Variants in KATNIP observed in about 807,000 individuals in gnomAD.
KATNIP encodes katanin-interacting protein.
Under a neutral mutation model 174.0 loss-of-function variants are expected in KATNIP, and 126 were observed. The ratio of observed to expected loss-of-function variants is 0.72; its 90% CI spans 0.63 to 0.84. The LOEUF is 0.84. Ranked by LOEUF, KATNIP falls within the 40% of genes least tolerant of loss-of-function variation. The probability of loss-of-function intolerance (pLI) is 0.00; values close to 1 mark genes in which losing one functional copy is unlikely to be tolerated. For synonymous variants in KATNIP, 810 were observed against 835.7 expected (o/e 0.97, Z 0.53); for missense variants, 1,958 against 2,109.7 (o/e 0.93, Z 1.41).
At chr16:27,591,468 A>G (rs188916414) in intron 2 of KATNIP, among the ~76,000 whole-genome samples, 1 of 152,276 alleles carries the variant, frequency 6.6e-6, no homozygotes, top group East Asian at 1.9e-4. Flanking sequence ...GGTGTGAGCT[A>G]CCACGCCTGG....
chr16:27,656,127 T>A (rs1447860476), intron 6 of KATNIP, among the ~76,000 whole-genome samples: 3 of 152,008 alleles, frequency 2.0e-5, no homozygotes, highest in Non-Finnish European at 4.4e-5. Context: ...CCTGGAGTCT[T>A]CAGAAATGTC....
At chr16:27,656,073 G>A (rs1437905156) in intron 6 of KATNIP, among the ~76,000 whole-genome samples, 3 of 152,120 alleles carry the variant, frequency 2.0e-5, no homozygotes, top group Non-Finnish European at 4.4e-5. Context: ...TGAGGAAACA[G>A]CCAGACAAAC....
chr16:27,721,507 G>T, intron 13 of KATNIP, 51 bp from the exon 14 acceptor site: 1 of 1,610,880 alleles, frequency 6.2e-7, no homozygotes, highest in Non-Finnish European at 8.5e-7. Context: ...TTTTACTTTG[G>T]GGAGAGGCAG....
At chr16:27,707,717 C>T (rs2079378558) in intron 12 of KATNIP, among the ~76,000 whole-genome samples, 1 of 152,222 alleles carries the variant, frequency 6.6e-6, no homozygotes, top group African/African-American at 2.4e-5. Flanking sequence ...GCTGGAAGTC[C>T]AAGATCAAGG....
Position 27,777,853 on chromosome 16 carries a change from GA to G in KATNIP, c.4713-26del. On this transcript the variant is annotated intron_variant, in intron 26 of 27. Coordinates refer to ENST00000261588, the MANE Select transcript of KATNIP (RefSeq NM_015202.5). This position sits in a 1 kb window ranked among gnomAD's most constrained non-coding sequence, Gnocchi z 4.4. ...GGGACACACGGCCAGGAGCCTGATCGAATCTTGTGTTTCCTTCCTACCCTCA... is the reference window on the plus strand; with the variant it reads ...GGGACACACGGCCAGGAGCCTGATCGATCTTGTGTTTCCTTCCTACCCTCA... 6.2e-7 allele frequency: 1 copy of G among 1,613,564 alleles called. No homozygotes were observed. Among genetic ancestry groups the G allele is most frequent in the Non-Finnish European group, 8.5e-7 (1 of 1,179,470 alleles).
intron 2 of KATNIP, among the ~76,000 whole-genome samples, chr16:27,588,861 A>G (rs1055789577): frequency 1.0e-4 from 14 of 138,634 alleles, no homozygotes; most frequent in Admixed American, 5.1e-4. Flanking sequence ...AGCTTTTTCT[A>G]TTTATGCAAC....
At chr16:27,738,959 T>A (rs1023990732) in intron 14 of KATNIP, among the ~76,000 whole-genome samples, 15 of 152,050 alleles carry the variant, frequency 9.9e-5, no homozygotes, top group African/African-American at 2.9e-4. Flanking sequence ...TGGAGAGACA[T>A]TTGCGACATG....
intron 5 of KATNIP, among the ~76,000 whole-genome samples, chr16:27,646,326 G>C (rs927406361): frequency 1.3e-5 from 2 of 152,170 alleles, no homozygotes; most frequent in Non-Finnish European, 2.9e-5. Context: ...CATCCCTCAA[G>C]AAGAGAGCAC....
rs1436442441 is a variant in KATNIP at position 27,628,777 on chromosome 16, A to G, written c.257A>G (p.Lys86Arg). The change falls in exon 4 of 28, where the codon AAA becomes AGA. Residue 86 changes from lysine (K) to arginine (R), a missense_variant. Around this residue, in one of 3 missense-constraint regions of KATNIP, gnomAD observed 1,557 missense variants for 1,617.8 expected, o/e 0.96. Coordinates refer to ENST00000261588, the MANE Select transcript of KATNIP (RefSeq NM_015202.5). The part of the protein sequence containing the change: ...ANSELKSSPR[K>R]AIHSDFSRSA... The stretch of plus-strand genomic sequence containing the variant: ...TCGGAGCTGAAATCATCACCGCGGA[A>G]AGCTATTCACTCTGACTTCTCCAGA... The G allele has an allele frequency of 1.9e-6, 3 of 1,614,040 alleles. No individual in the cohort carries two copies. The highest frequency in any genetic ancestry group is 1.7e-6 in the Non-Finnish European group (2 of 1,180,034).
At chr16:27,745,868 T>C (rs1304407476) in intron 15 of KATNIP, among the ~76,000 whole-genome samples, 1 of 151,612 alleles carries the variant, frequency 6.6e-6, no homozygotes, top group Non-Finnish European at 1.5e-5. Context: ...AATTCCCCAA[T>C]TCCCATGGAG....
intron 3 of KATNIP, among the ~76,000 whole-genome samples, chr16:27,621,509 C>T (rs1487065387): frequency 6.6e-6 from 1 of 152,124 alleles, no homozygotes; most frequent in Non-Finnish European, 1.5e-5. Context: ...CTAATGCTTC[C>T]AGCAAAAGTG....
At chr16:27,653,861 T>C (rs1192433242) in intron 6 of KATNIP, among the ~76,000 whole-genome samples, 2 of 152,078 alleles carry the variant, frequency 1.3e-5, no homozygotes, top group African/African-American at 4.8e-5. Context: ...TAGGGTCTCA[T>C]ATCCCACTAT....
chr16:27,664,156 C>T (rs967538290), intron 6 of KATNIP, among the ~76,000 whole-genome samples: 2 of 152,082 alleles, frequency 1.3e-5, no homozygotes, highest in African/African-American at 2.4e-5. Context: ...TCTAAGTAAA[C>T]AGTTTTTTGT....
intron 1 of KATNIP, among the ~76,000 whole-genome samples, chr16:27,565,056 G>A (rs140635616): frequency 1.3e-5 from 2 of 151,352 alleles, no homozygotes; most frequent in Non-Finnish European, 2.9e-5. Flanking sequence ...GAGCCACCAC[G>A]CCCGGCCCTA....
intron 19 of KATNIP, among the ~76,000 whole-genome samples, chr16:27,762,659 G>A (rs1170467125): frequency 6.6e-6 from 1 of 152,200 alleles, no homozygotes; most frequent in Non-Finnish European, 1.5e-5. Flanking sequence ...TTGGCCTGGT[G>A]CTGAGCTCAT....
chr16:27,766,595 G>T, intron 20 of KATNIP, 121 bp downstream of exon 20: 1 of 1,012,942 alleles, frequency 9.9e-7, no homozygotes, highest in Non-Finnish European at 1.4e-6. Flanking sequence ...ACGGAGCTGG[G>T]GGCGTTATGT....
At chr16:27,757,302 C>T (rs111678433) in intron 18 of KATNIP, among the ~76,000 whole-genome samples, 3 of 152,076 alleles carry the variant, frequency 2.0e-5, no homozygotes, top group South Asian at 4.1e-4. Context: ...GTGGGTAGGG[C>T]GGGAGGTGGG....
In KATNIP at chr16:27,580,893, A is replaced by G. The variant is rs147679859; in HGVS notation, c.63+6937A>G. Reference sequence around the variant, plus strand: ...TATTTAAAAAGTTATACCATCCTATAAGGACCTGGAAAAGCACTCTATAAT... The same window carrying G: ...TATTTAAAAAGTTATACCATCCTATGAGGACCTGGAAAAGCACTCTATAAT... On this transcript the variant is annotated intron_variant, in intron 2 of 27. Coordinates refer to ENST00000261588, the MANE Select transcript of KATNIP (RefSeq NM_015202.5). Among the ~76,000 whole-genome samples the G allele has an allele frequency of 3.1e-4, 47 of 152,180 alleles. 1 individual carries two copies. Among genetic ancestry groups the G allele is most frequent in the African/African-American group, 8.4e-4 (35 of 41,522 alleles).
chr16:27,751,497 G>A (rs1383666662), intron 16 of KATNIP, among the ~76,000 whole-genome samples: 1 of 152,200 alleles, frequency 6.6e-6, no homozygotes, highest in Non-Finnish European at 1.5e-5. Context: ...ACATATCACA[G>A]TGATTCTCAT....
Sources: allele counts gnomAD v4.1 joint callset (sites outside exome capture counted in the v4.1 genomes callset), GRCh38; gene constraint gnomAD v4.1.1; regional missense constraint gnomAD v4.1.1; non-coding constraint Gnocchi (gnomAD v3.1); transcripts MANE v1.5; gene names NCBI Gene and HGNC (gene_info 2026-07-23, HGNC 2026-07-21).